MED13: variants seen among roughly 807,000 people sequenced by gnomAD.
MED13 encodes mediator of RNA polymerase II transcription subunit 13.
A neutral mutation model predicts 225.2 loss-of-function variants in MED13; 23 were observed. That is an observed-to-expected ratio of 0.10 (90% CI 0.07 to 0.14). The LOEUF is 0.14. Among genes scored for constraint, MED13 ranks in the 10% least tolerant of loss-of-function variants. The probability of loss-of-function intolerance (pLI) is 1.00; values close to 1 mark genes in which losing one functional copy is unlikely to be tolerated. For synonymous variants in MED13, 942 were observed against 889.2 expected (o/e 1.06, Z -1.06); for missense variants, 2,197 against 2,594.5 (o/e 0.85, Z 3.33).
At chr17:62,031,911 T>C (rs995789570) in intron 5 of MED13, among the ~76,000 whole-genome samples, 1 of 151,994 alleles carries the variant, frequency 6.6e-6, no homozygotes, top group Admixed American at 6.5e-5. Flanking sequence ...TTTTTAGATT[T>C]CTAGAAATGT....
In MED13 at chr17:62,031,607, A is replaced by T. The variant is rs758142902; in HGVS notation, c.846T>A (p.Phe282Leu). 1 of 1,612,142 alleles carries T rather than the reference A, an allele frequency of 6.2e-7. No individual in the cohort carries two copies. The highest frequency in any genetic ancestry group is 8.5e-7 in the Non-Finnish European group (1 of 1,179,148). The change falls in exon 6 of 30, where the codon TTT (phenylalanine) becomes TTA (leucine). Residue 282 changes from phenylalanine (F) to leucine (L), a missense_variant. Physicochemically the swap from Phe to Leu is conservative, Grantham distance 22. This residue lies in a region of MED13 where 884 missense variants were observed against 918.5 expected (regional missense o/e 0.96). Coordinates refer to ENST00000397786, the MANE Select transcript of MED13 (RefSeq NM_005121.3). ...GAATGTCTGACTGAGGGACTAGAAC[A>T]AAGCATGCTGGGTAGATCATTCGGA... Reference protein sequence around the residue: ...AGVRMIYPACFVLVPQSDIPT... With the variant: ...AGVRMIYPACLVLVPQSDIPT...
At chr17:61,958,490 G>A (rs1019121799) in intron 23 of MED13, among the ~76,000 whole-genome samples, 6 of 151,634 alleles carry the variant, frequency 4.0e-5, no homozygotes, top group Admixed American at 1.3e-4. Flanking sequence ...AGGCGTGTAC[G>A]ACCACACCCA....
chr17:61,984,424 A>G, intron 14 of MED13, 57 bp from the exon 15 acceptor site: 1 of 1,280,210 alleles, frequency 7.8e-7, no homozygotes, highest in Non-Finnish European at 1.1e-6. Context: ...GAAAAAATAA[A>G]TAAACAAACA....
Position 61,982,220 on chromosome 17 carries a change from T to G in MED13, c.3783A>C (p.Leu1261Phe), listed in dbSNP as rs775322768. ...TACCGTTTCTTTTGGACCAGGGGTG[T>G]AAGCATGAACTTTTCACAAGTGCTT... Reference protein sequence around the residue: ...VDEALVKSSCLHPWSKRNDVS... With the variant: ...VDEALVKSSCFHPWSKRNDVS... The change falls in exon 16 of 30, where the codon TTA becomes TTC. Residue 1261 changes from leucine to phenylalanine, a missense_variant. Coordinates refer to ENST00000397786, the MANE Select transcript of MED13 (RefSeq NM_005121.3). 1 of 1,613,280 alleles carries G rather than the reference T, an allele frequency of 6.2e-7. No individual in the cohort carries two copies. Among genetic ancestry groups the G allele is most frequent in the South Asian group, 1.1e-5 (1 of 90,862 alleles).
intron 9 of MED13, among the ~76,000 whole-genome samples, chr17:61,998,987 C>A (rs1160736628): frequency 6.9e-6 from 1 of 145,140 alleles, no homozygotes; most frequent in Admixed American, 7.0e-5. Flanking sequence ...CTAAACTGAG[C>A]CAAGGTCACT....
At chr17:62,011,258 A>T in intron 8 of MED13, 25 bp from the exon 9 acceptor site, 1 of 1,584,790 alleles carries the variant, frequency 6.3e-7, no homozygotes, top group African/African-American at 1.4e-5. Context: ...TAAAGGTTTC[A>T]TATTTACAGT....
In MED13 at chr17:61,944,895, G is replaced by A. The variant is rs975500811; in HGVS notation, c.*1573C>T. On this transcript the variant is annotated 3_prime_UTR_variant, in exon 30 of 30. Transcript: ENST00000397786. ...AGCACTGTAGAAAGGATTTTTCAAG[G>A]GGGTACAGCCTGCATAAAAGCAGTT... The A allele has an allele frequency of 6.6e-6, 1 of 152,538 alleles. No individual in the cohort carries two copies. Among genetic ancestry groups the A allele is most frequent in the Non-Finnish European group, 1.5e-5 (1 of 68,028 alleles). The allele number at this position is 152,538 out of a possible 1,614,324, so 9.4% of individuals were successfully genotyped here.
At chr17:62,021,005 G>A (rs1348402044) in intron 8 of MED13, among the ~76,000 whole-genome samples, 1 of 150,104 alleles carries the variant, frequency 6.7e-6, no homozygotes. Context: ...AGGGTTGGGG[G>A]TAAGGTCACA....
At chr17:61,948,970 C>T (rs2079874279) in intron 28 of MED13, among the ~76,000 whole-genome samples, 2 of 150,114 alleles carry the variant, frequency 1.3e-5, no homozygotes, top group African/African-American at 4.9e-5. Context: ...CGCCTGTAGT[C>T]CCAGCTACTT....
chr17:61,956,261 T>C, intron 24 of MED13, 78 bp downstream of exon 24: 1 of 1,362,348 alleles, frequency 7.3e-7, no homozygotes, highest in Non-Finnish European at 1.0e-6. Context: ...ATTCAACATA[T>C]ATACCTAGAC....
At position 62,049,635 on chromosome 17, in the gene MED13, G is replaced by C. The variant is rs111410460; in HGVS notation, c.470+2902C>G. Among the ~76,000 whole-genome samples the C allele has an allele frequency of 7.6e-4, 116 of 152,278 alleles. 5 individuals are homozygous for C. The highest frequency in any genetic ancestry group is 2.7e-3 in the African/African-American group (111 of 41,570). On this transcript the variant is annotated intron_variant, in intron 3 of 29. Coordinates refer to ENST00000397786, the MANE Select transcript of MED13 (RefSeq NM_005121.3). The stretch of plus-strand genomic sequence containing the variant: ...CCTGGGAAAACAAAACGATGTACAA[G>C]AAATGAAATGTGAAGGCTGGGCGCC...
At chr17:62,041,392 T>C (rs1007847042) in intron 3 of MED13, among the ~76,000 whole-genome samples, 8 of 71,998 alleles carry the variant, frequency 1.1e-4, no homozygotes, top group African/African-American at 2.3e-4. Context: ...AAAAGAAAAA[T>C]TGAAGAGCTG....
intron 2 of MED13, among the ~76,000 whole-genome samples, chr17:62,059,397 A>G (rs1029271078): frequency 3.3e-5 from 5 of 152,240 alleles, no homozygotes; most frequent in Non-Finnish European, 7.3e-5. Flanking sequence ...AACAAGGGCA[A>G]TATTATCACC....
intron 9 of MED13, among the ~76,000 whole-genome samples, chr17:62,007,902 C>G (rs1295251782): frequency 6.6e-6 from 1 of 151,298 alleles, no homozygotes; most frequent in Non-Finnish European, 1.5e-5. Flanking sequence ...ACCTATAGTC[C>G]CAGCTACTCG....
rs1372035879 is a variant in MED13 at position 62,063,100 on chromosome 17, T to G, written c.268A>C (p.Ser90Arg). The change falls in exon 2 of 30, where the codon AGT becomes CGT. Residue 90 changes from serine (S) to arginine (R), a missense_variant. By Grantham distance (110) the Ser-to-Arg change is moderately radical. Transcript: ENST00000397786. ...TCATGGTGAATAAGGTCAGCAAAAC[T>G]GGGGTCTTCACCCCACCAAAATATC... is the stretch of plus-strand genomic sequence containing the variant. The part of the protein sequence containing the change: ...LWIFWWGEDP[S>R]FADLIHHDLS... The G allele has an allele frequency of 1.2e-6, 2 of 1,614,154 alleles. No homozygotes were observed. Among genetic ancestry groups the G allele is most frequent in the Non-Finnish European group, 1.7e-6 (2 of 1,180,002 alleles).
intron 2 of MED13, among the ~76,000 whole-genome samples, chr17:62,060,447 C>T (rs187403384): frequency 1.1e-3 from 166 of 152,000 alleles, no homozygotes; most frequent in African/African-American, 4.0e-3. Flanking sequence ...AGTGAAACCC[C>T]GTCTCTATTA....
intron 16 of MED13, among the ~76,000 whole-genome samples, chr17:61,974,193 C>A (rs2080133722): frequency 6.6e-6 from 1 of 152,020 alleles, no homozygotes; most frequent in Admixed American, 6.6e-5. Context: ...AGTCAGACTG[C>A]TCGAGCTTAG....
chr17:61,952,236 C>T (rs1414112685), intron 27 of MED13, among the ~76,000 whole-genome samples: 1 of 152,086 alleles, frequency 6.6e-6, no homozygotes, highest in African/African-American at 2.4e-5. Context: ...TAACTGAAGC[C>T]CAGTTCGTTT....
chr17:62,023,198 T>C (rs1187741964), intron 8 of MED13, among the ~76,000 whole-genome samples: 1 of 152,228 alleles, frequency 6.6e-6, no homozygotes, highest in Non-Finnish European at 1.5e-5. Context: ...ATGTAAATTG[T>C]CTGTTACAGT....
Sources: allele counts gnomAD v4.1 joint callset (sites outside exome capture counted in the v4.1 genomes callset), GRCh38; gene constraint gnomAD v4.1.1; regional missense constraint gnomAD v4.1.1; transcripts MANE v1.5; gene names NCBI Gene and HGNC (gene_info 2026-07-23, HGNC 2026-07-21).